RGS9: variants seen among roughly 807,000 people sequenced by gnomAD.
The protein encoded by RGS9 is regulator of G protein signaling 9.
Under a neutral mutation model 102.0 loss-of-function variants are expected in RGS9, and 78 were observed. The observed-to-expected ratio is 0.76, with a 90% CI of 0.64 to 0.92. The LOEUF is 0.92. RGS9 is among the 40% of genes least tolerant of loss of function. The pLI is 0.00. For missense variants in RGS9, 833 were observed against 866.1 expected (o/e 0.96, Z 0.48); for synonymous variants, 353 against 318.6 (o/e 1.11, Z -1.15).
intron 17 of RGS9, among the ~76,000 whole-genome samples, chr17:65,214,632 T>A (rs531831673): frequency 1.3e-5 from 2 of 152,338 alleles, no homozygotes; most frequent in Admixed American, 1.3e-4. Flanking sequence ...ACTGCTGGCC[T>A]CTAGGCAGCT....
At chr17:65,177,707 C>T (rs765035776) in intron 8 of RGS9, 25 bp from the exon 9 acceptor site, 1 of 1,609,040 alleles carries the variant, frequency 6.2e-7, no homozygotes, top group Non-Finnish European at 8.5e-7. Flanking sequence ...CTGTAATGAC[C>T]TTATGTTGTT....
intron 17 of RGS9, among the ~76,000 whole-genome samples, chr17:65,214,478 G>A (rs1167775018): frequency 6.6e-6 from 1 of 152,208 alleles, no homozygotes; most frequent in East Asian, 1.9e-4. Flanking sequence ...CCAGAGGTGG[G>A]AGAGAATTGT....
At chr17:65,141,437 G>A (rs552192053) in intron 1 of RGS9, among the ~76,000 whole-genome samples, 2 of 152,180 alleles carry the variant, frequency 1.3e-5, no homozygotes, top group African/African-American at 2.4e-5. Flanking sequence ...TTTCCTGTGC[G>A]GCTTCTGGCA....
chr17:65,141,604 G>A (rs1471306142), intron 1 of RGS9, among the ~76,000 whole-genome samples: 2 of 152,200 alleles, frequency 1.3e-5, no homozygotes, highest in African/African-American at 4.8e-5. Flanking sequence ...GAGCACCAAG[G>A]AGCTTAGAGT....
At chr17:65,153,205 C>G (rs1910644834) in intron 1 of RGS9, among the ~76,000 whole-genome samples, 1 of 152,184 alleles carries the variant, frequency 6.6e-6, no homozygotes, top group Non-Finnish European at 1.5e-5. Context: ...GATGAATCTG[C>G]GAGTCTTCAC....
chr17:65,189,348 T>C, intron 10 of RGS9, 33 bp downstream of exon 10: 1 of 1,538,500 alleles, frequency 6.5e-7, no homozygotes, highest in Non-Finnish European at 9.0e-7. Flanking sequence ...TGAAGAATGG[T>C]TTTAAATCTT....
chr17:65,207,306 C>A (rs1215241584), intron 15 of RGS9, among the ~76,000 whole-genome samples: 3 of 152,170 alleles, frequency 2.0e-5, no homozygotes, highest in African/African-American at 4.8e-5. Context: ...CTGAACCACT[C>A]CAAGGTGGAT....
intron 1 of RGS9, among the ~76,000 whole-genome samples, chr17:65,152,718 G>T (rs1205658722): frequency 6.6e-6 from 1 of 152,124 alleles, no homozygotes; most frequent in Non-Finnish European, 1.5e-5. Context: ...TTTCGTAGAG[G>T]CAGGGTCTCA....
Position 65,210,549 on chromosome 17 carries a change from C to T in RGS9, c.1351C>T (p.Gln451Ter), listed in dbSNP as rs577900681. 1 of 1,614,094 alleles carries T rather than the reference C, an allele frequency of 6.2e-7. No homozygotes were observed. The highest frequency in any genetic ancestry group is 1.1e-5 in the South Asian group (1 of 91,080). ...RSSPSPVILR[Q>*]LEEEAKAREA... ...CAGCCCAAGCCCTGTCATCCTGAGA[C>T]AGCTGGAAGAGGAAGCCAAGGCCCG... Residue 451 changes from glutamine (Q) to a stop codon, truncating the protein, a stop_gained, in exon 17 of 19, where the codon CAG becomes TAG. Coordinates refer to ENST00000262406, the MANE Select transcript of RGS9 (RefSeq NM_003835.4). LOFTEE classifies it high-confidence loss of function.
At chr17:65,196,568 C>T (rs1037414729) in intron 12 of RGS9, among the ~76,000 whole-genome samples, 1 of 152,200 alleles carries the variant, frequency 6.6e-6, no homozygotes, top group African/African-American at 2.4e-5. Flanking sequence ...TTAGAGGAAG[C>T]CCTGAAAGGG....
At chr17:65,194,062 G>A (rs1203374506) in intron 12 of RGS9, among the ~76,000 whole-genome samples, 1 of 152,168 alleles carries the variant, frequency 6.6e-6, no homozygotes, top group Non-Finnish European at 1.5e-5. Context: ...TCACTAAATC[G>A]ATACAGGAAA....
At chr17:65,226,403 G>C (rs554106841) in intron 18 of RGS9, among the ~76,000 whole-genome samples, 10 of 152,276 alleles carry the variant, frequency 6.6e-5, no homozygotes, top group East Asian at 1.9e-4. Context: ...TGTCGCTTAG[G>C]GGGAGAGGGA....
chr17:65,137,400 G>A lies in RGS9; in HGVS notation c.-141G>A. On this transcript the variant is annotated 5_prime_UTR_variant, in exon 1 of 19. Coordinates refer to ENST00000262406, the MANE Select transcript of RGS9 (RefSeq NM_003835.4). Reference sequence around the variant, plus strand: ...GCGGCGCCTAGTGAGAGTCAGGGGGGCCCGGCCCGCGCCCTCCCCGCCCAG... The same window carrying A: ...GCGGCGCCTAGTGAGAGTCAGGGGGACCCGGCCCGCGCCCTCCCCGCCCAG... 20 of 790,300 alleles carry A rather than the reference G, an allele frequency of 2.5e-5. No individual in the cohort carries two copies. Among genetic ancestry groups the A allele is most frequent in the South Asian group, 2.2e-4 (16 of 71,460 alleles). The allele number at this position is 790,300 out of a possible 1,614,324, so 49.0% of individuals were successfully genotyped here. A position where few individuals can be genotyped will look rare whatever the true frequency, so the allele number is the denominator to read the frequency against.
intron 5 of RGS9, 32 bp from the exon 6 acceptor site, chr17:65,160,819 A>T (rs772200567): frequency 6.2e-7 from 1 of 1,608,448 alleles, no homozygotes; most frequent in Non-Finnish European, 8.5e-7. Context: ...TTGAAAGATG[A>T]TGATGGAAAA....
intron 1 of RGS9, among the ~76,000 whole-genome samples, chr17:65,149,027 T>C (rs1910476809): frequency 6.6e-6 from 1 of 152,180 alleles, no homozygotes; most frequent in Admixed American, 6.5e-5. Context: ...AGTGACGTGA[T>C]CTCGGCTCAT....
intron 7 of RGS9, among the ~76,000 whole-genome samples, chr17:65,165,624 A>T (rs1911147420): frequency 6.6e-6 from 1 of 152,040 alleles, no homozygotes; most frequent in Admixed American, 6.6e-5. Context: ...CTCTTCCTCC[A>T]GTATCACCCA....
chr17:65,218,622 G>A (rs1913596198), intron 17 of RGS9, among the ~76,000 whole-genome samples: 1 of 151,860 alleles, frequency 6.6e-6, no homozygotes, highest in Admixed American at 6.5e-5. Flanking sequence ...TCTGGCTTAG[G>A]GTGGATGCTC....
At chr17:65,175,752 G>T (rs780227944) in intron 8 of RGS9, among the ~76,000 whole-genome samples, 10 of 152,098 alleles carry the variant, frequency 6.6e-5, no homozygotes, top group South Asian at 6.2e-4. Context: ...TCCCTGTGTC[G>T]TCTTGTCTGC....
chr17:65,183,782 C>T (rs916035092), intron 9 of RGS9, among the ~76,000 whole-genome samples: 1 of 152,182 alleles, frequency 6.6e-6, no homozygotes, highest in Non-Finnish European at 1.5e-5. Context: ...GCCTGGCTAC[C>T]CCATCCCAAG....
Sources: gnomAD v4.1 joint callset for allele counts (sites outside exome capture counted in the v4.1 genomes callset) on GRCh38, gnomAD v4.1.1 for gene constraint, MANE v1.5 for transcripts, NCBI Gene and HGNC (gene_info 2026-07-23, HGNC 2026-07-21) for gene names.